Variants in CTTNBP2 observed in about 807,000 individuals in gnomAD.
CTTNBP2 encodes cortactin-binding protein 2.
Under a neutral mutation model 156.9 loss-of-function variants are expected in CTTNBP2, and 108 were observed. That is an observed-to-expected ratio of 0.69 (90% confidence interval 0.59 to 0.81). The LOEUF is 0.81. Among genes scored for constraint, CTTNBP2 ranks in the 30% least tolerant of loss-of-function variants. CTTNBP2 has a pLI of 0.00. For synonymous variants in CTTNBP2, 767 were observed against 751.8 expected, an observed-to-expected ratio of 1.02 and a Z score of -0.33; for missense variants, 1,924 against 2,035.4, an observed-to-expected ratio of 0.95 and a Z score of 1.05.
rs561589287 is a variant in CTTNBP2, at chr7:117,813,451, C to G, written c.190-2462G>C. 1.3e-5 allele frequency among the ~76,000 whole-genome samples: 2 copies of G among 152,298 alleles called. 1 individual carries two copies. The highest frequency in any genetic ancestry group is 4.1e-4 in the South Asian group (2 of 4,824). On this transcript the variant is annotated intron_variant, in intron 2 of 22. Transcript: ENST00000160373. ...CCCATGAAGCCAAGCCCTGCATACT[C>G]TCATTAGCATTTGGAATCCACCTTT...
At chr7:117,748,392 A>AT (rs1173066985) in intron 12 of CTTNBP2, among the ~76,000 whole-genome samples, 3 of 151,970 alleles carry the variant, frequency 2.0e-5, no homozygotes, top group African/African-American at 7.3e-5. Flanking sequence ...TTTTTCTCCA[A>AT]TTTTTTGGTA....
At chr7:117,736,807 T>C (rs1022300352) in intron 14 of CTTNBP2, among the ~76,000 whole-genome samples, 1 of 152,174 alleles carries the variant, frequency 6.6e-6, no homozygotes, top group Non-Finnish European at 1.5e-5. Context: ...CAAAATAAAA[T>C]CACTTTAGTT....
At chr7:117,866,384 A>C (rs946338421) in intron 1 of CTTNBP2, among the ~76,000 whole-genome samples, 2 of 152,124 alleles carry the variant, frequency 1.3e-5, no homozygotes, top group Non-Finnish European at 2.9e-5. Flanking sequence ...TGGCAGAGAC[A>C]CCCCTCAGAT....
intron 1 of CTTNBP2, among the ~76,000 whole-genome samples, chr7:117,867,445 T>C (rs1321418637): frequency 2.0e-5 from 3 of 152,150 alleles, no homozygotes; most frequent in Non-Finnish European, 2.9e-5. Flanking sequence ...AGTAAACTTA[T>C]TATCTCTATT....
intron 1 of CTTNBP2, among the ~76,000 whole-genome samples, chr7:117,870,599 A>C (rs1284633520): frequency 6.6e-6 from 1 of 152,234 alleles, no homozygotes; most frequent in Non-Finnish European, 1.5e-5. Context: ...TTGGCTTCCC[A>C]AATATAGCTC....
chr7:117,864,841 T>C (rs903427926), intron 1 of CTTNBP2, among the ~76,000 whole-genome samples: 2 of 119,928 alleles, frequency 1.7e-5, no homozygotes, highest in South Asian at 5.5e-4. Context: ...TATATATTCA[T>C]TCTATATTCA....
At chr7:117,836,111 G>T (rs1227248059) in intron 2 of CTTNBP2, among the ~76,000 whole-genome samples, 1 of 152,112 alleles carries the variant, frequency 6.6e-6, no homozygotes, top group Non-Finnish European at 1.5e-5. Context: ...TGAGCTGGAG[G>T]ACTGGACAGG....
At chr7:117,769,957 A>G (rs537489410) in intron 8 of CTTNBP2, among the ~76,000 whole-genome samples, 1 of 152,298 alleles carries the variant, frequency 6.6e-6, no homozygotes, top group South Asian at 2.1e-4. Context: ...CTGTATTTCA[A>G]GTATCTATAT....
intron 9 of CTTNBP2, among the ~76,000 whole-genome samples, chr7:117,761,741 T>C (rs1417875351): frequency 1.3e-5 from 2 of 152,240 alleles, no homozygotes; most frequent in East Asian, 1.9e-4. Context: ...TCATAGATGA[T>C]GCATCAAAGG....
chr7:117,848,684 G>T (rs1400056957), intron 2 of CTTNBP2, among the ~76,000 whole-genome samples: 1 of 152,148 alleles, frequency 6.6e-6, no homozygotes, highest in Non-Finnish European at 1.5e-5. Context: ...CTAATCATTT[G>T]CTCCAACCCA....
intron 1 of CTTNBP2, among the ~76,000 whole-genome samples, chr7:117,867,617 T>C (rs1363972021): frequency 1.3e-5 from 2 of 152,098 alleles, no homozygotes; most frequent in Non-Finnish European, 2.9e-5. Context: ...GTGCAAAGGA[T>C]GTCTCAGGTA....
chr7:117,767,168 T>C lies in CTTNBP2; in HGVS notation c.2787A>G (p.Leu929=). The C allele has an allele frequency of 6.3e-7, 1 of 1,583,522 alleles. No homozygotes were observed. The change falls in exon 9 of 23, where the codon CTA becomes CTG. Residue 929 remains leucine, a synonymous_variant. Transcript: ENST00000160373. ...GCCCTCCGTGCCTACACAAGATTTC[T>C]AGGCAGTTCTATAAAGACAAGAGCT... The part of the protein sequence containing the change: ...IAASKGFKNC[L]EILCRHGGLE...
chr7:117,822,802 G>C (rs1022067260), intron 2 of CTTNBP2, among the ~76,000 whole-genome samples: 1 of 152,206 alleles, frequency 6.6e-6, no homozygotes, highest in Non-Finnish European at 1.5e-5. Flanking sequence ...CACTTAACCA[G>C]AGTGTGTTTT....
chr7:117,836,331 G>A (rs900278529), intron 2 of CTTNBP2, among the ~76,000 whole-genome samples: 3 of 152,226 alleles, frequency 2.0e-5, no homozygotes, highest in African/African-American at 7.2e-5. Flanking sequence ...TTGGGAGGCT[G>A]AGGTGGGCGG....
intron 11 of CTTNBP2, 131 bp downstream of exon 11, chr7:117,757,744 C>T (rs1160288219): frequency 1.7e-6 from 1 of 585,368 alleles, no homozygotes; most frequent in African/African-American, 1.9e-5. Context: ...CATCTAATTA[C>T]CTAGTGGTGG....
chr7:117,734,933 G>GT lies in CTTNBP2; in HGVS notation c.3855dup (p.Arg1286ThrfsTer7). The GT allele has an allele frequency of 6.3e-7, 1 of 1,598,404 alleles. No homozygotes were observed. The highest frequency in any genetic ancestry group is 2.2e-5 in the East Asian group (1 of 44,502). The stretch of plus-strand genomic sequence containing the variant: ...GTTACCTTATTCACAACTTTCCTTC[G>GT]TAAGAACCTCTGCAGCAGTCCTTGC... On this transcript the variant is annotated frameshift_variant, in exon 16 of 23. Transcript: ENST00000160373. LOFTEE classifies it high-confidence loss of function.
At chr7:117,813,042 C>T (rs901732507) in intron 2 of CTTNBP2, among the ~76,000 whole-genome samples, 2 of 152,098 alleles carry the variant, frequency 1.3e-5, no homozygotes, top group African/African-American at 4.8e-5. Context: ...TTTTAGTCAC[C>T]TCTGGGTTGG....
chr7:117,758,657 T>G (rs1198301951), intron 10 of CTTNBP2, among the ~76,000 whole-genome samples: 1 of 152,184 alleles, frequency 6.6e-6, no homozygotes, highest in Non-Finnish European at 1.5e-5. Flanking sequence ...TGACCTGAAG[T>G]TCCTTTCATG....
At chr7:117,736,674 T>C (rs900941265) in intron 14 of CTTNBP2, among the ~76,000 whole-genome samples, 1 of 152,102 alleles carries the variant, frequency 6.6e-6, no homozygotes, top group South Asian at 2.1e-4. Flanking sequence ...TAATATTATA[T>C]ATAGGAAATG....
Sources: gnomAD v4.1 joint callset for allele counts (sites outside exome capture counted in the v4.1 genomes callset) on GRCh38, gnomAD v4.1.1 for gene constraint, MANE v1.5 for transcripts, NCBI Gene and HGNC (gene_info 2026-07-23, HGNC 2026-07-21) for gene names.